The following SHROOM3 variants were observed in gnomAD, a reference collection of about 807,000 sequenced individuals.
SHROOM3 encodes the protein protein Shroom3.
A neutral mutation model predicts 138.6 loss-of-function variants in SHROOM3; 47 were observed. The ratio of observed to expected loss-of-function variants is 0.34; its 90% CI spans 0.27 to 0.43. The LOEUF is 0.43. SHROOM3 is among the 20% of genes least tolerant of loss of function. The pLI, the probability that SHROOM3 is intolerant of heterozygous loss-of-function variation, is 1.00. For missense variants in SHROOM3, 2,491 were observed against 2,596.5 expected, an observed-to-expected ratio of 0.96 and a Z score of 0.88; for synonymous variants, 1,062 against 1,063.3, an observed-to-expected ratio of 1.00 and a Z score of 0.02.
At position 76,752,874 on chromosome 4, in the gene SHROOM3, TAAATA is replaced by T. The variant is rs1001721903; in HGVS notation, c.3828-1429_3828-1425del. ...CCTTTAGAAAAGCCTCAAGATATAA[TAAATA>T]AAATAAAGGCATCTGAATTAGTCGT... On this transcript the variant is annotated intron_variant, in intron 6 of 10. Coordinates refer to ENST00000296043, the MANE Select transcript of SHROOM3 (RefSeq NM_020859.4). 2.6e-5 allele frequency among the ~76,000 whole-genome samples: 4 copies of T among 152,158 alleles called. No homozygotes were observed. The South Asian group carries it at 6.2e-4, about 24-fold the overall frequency.
intron 2 of SHROOM3, among the ~76,000 whole-genome samples, chr4:76,672,828 C>T (rs1453956294): frequency 6.6e-6 from 1 of 152,146 alleles, no homozygotes; most frequent in African/African-American, 2.4e-5. Flanking sequence ...GCCTCGGCCT[C>T]CCAAAGTGCT....
At chr4:76,635,287 A>G (rs746609219) in intron 2 of SHROOM3, among the ~76,000 whole-genome samples, 8 of 152,184 alleles carry the variant, frequency 5.3e-5, no homozygotes, top group Non-Finnish European at 8.8e-5. Flanking sequence ...AGGGTCACTC[A>G]CTGATCAACC....
intron 1 of SHROOM3, among the ~76,000 whole-genome samples, chr4:76,477,896 CA>C (rs1365993896): frequency 1.3e-5 from 2 of 152,128 alleles, no homozygotes; most frequent in Non-Finnish European, 1.5e-5. Context: ...CTCCCCTAGC[CA>C]AGGGAAGTCA....
intron 2 of SHROOM3, among the ~76,000 whole-genome samples, chr4:76,638,463 CG>C (rs1735566467): frequency 6.6e-6 from 1 of 152,054 alleles, no homozygotes; most frequent in South Asian, 2.1e-4. Context: ...GCAGGAGGAT[CG>C]CTTGCGCCTA....
At chr4:76,632,356 G>C (rs1281625693) in intron 2 of SHROOM3, among the ~76,000 whole-genome samples, 1 of 152,234 alleles carries the variant, frequency 6.6e-6, no homozygotes, top group African/African-American at 2.4e-5. Context: ...CTCATGAGGA[G>C]ATGGACCCAG....
intron 2 of SHROOM3, among the ~76,000 whole-genome samples, chr4:76,593,620 A>T (rs1989729): frequency 0.59 from 89,947 of 152,028 alleles, 27,389 homozygotes; most frequent in East Asian, 0.85. Context: ...TAGTAAGCAA[A>T]GTAAACTCTT....
chr4:76,580,399 G>T (rs941807215), intron 2 of SHROOM3, among the ~76,000 whole-genome samples: 3 of 151,406 alleles, frequency 2.0e-5, no homozygotes, highest in Non-Finnish European at 2.9e-5. Context: ...AGGTTACCTG[G>T]CTTCAAATCC....
Position 76,734,523 on chromosome 4 carries a change from T to G in SHROOM3, c.587+3588T>G, listed in dbSNP as rs557058539. On this transcript the variant is annotated intron_variant, in intron 4 of 10. Transcript: ENST00000296043. Reference sequence around the variant, plus strand: ...AATATTTTAAAAATACTTTTTTTTTTTTTTTTGAGATGGGTCTCACTGTGT... The same window carrying G: ...AATATTTTAAAAATACTTTTTTTTTGTTTTTTGAGATGGGTCTCACTGTGT... Among the ~76,000 whole-genome samples the G allele has an allele frequency of 6.6e-5, 10 of 151,468 alleles. No homozygotes were observed. The South Asian group carries it at 8.4e-4, about 13-fold the overall frequency.
intron 9 of SHROOM3, among the ~76,000 whole-genome samples, chr4:76,761,176 T>A (rs774660887): frequency 6.6e-6 from 1 of 151,474 alleles, no homozygotes; most frequent in Non-Finnish European, 1.5e-5. Context: ...TTAACCTTTG[T>A]CCCCTTTCCT....
Position 76,741,708 on chromosome 4 carries a change from C to T in SHROOM3, c.3535C>T (p.Arg1179Cys). 1 of 1,553,524 alleles carries T rather than the reference C, an allele frequency of 6.4e-7. No individual in the cohort carries two copies. The highest frequency in any genetic ancestry group is 1.2e-5 in the South Asian group (1 of 84,354). Reference sequence around the variant, plus strand: ...CAGCAGCTCCTTCGCCGGTGGCCGCCGCCTCGGGGAACGGCGACGCGGGGA... The same window carrying T: ...CAGCAGCTCCTTCGCCGGTGGCCGCTGCCTCGGGGAACGGCGACGCGGGGA... ...DRSSSFAGGRRLGERRRGDLL... is the reference protein window; with the variant it reads ...DRSSSFAGGRCLGERRRGDLL... The change falls in exon 5 of 11, where the codon CGC (arginine) becomes TGC (cysteine). Residue 1179 changes from arginine (R) to cysteine (C), a missense_variant. Arg to Cys is a radical substitution (Grantham distance 180). Coordinates refer to ENST00000296043, the MANE Select transcript of SHROOM3 (RefSeq NM_020859.4). The surrounding 1 kb of genome is among the most constrained non-coding windows in gnomAD (Gnocchi z 6.2).
At chr4:76,473,927 CAT>C (rs1285450070) in intron 1 of SHROOM3, among the ~76,000 whole-genome samples, 1 of 152,112 alleles carries the variant, frequency 6.6e-6, no homozygotes, top group Admixed American at 6.5e-5. Context: ...AAAAGTTAAA[CAT>C]AGAATTACCA....
In SHROOM3 at chr4:76,741,970, C is replaced by T; in HGVS notation, c.3753+44C>T. On this transcript the variant is annotated intron_variant, in intron 5 of 10. Coordinates refer to ENST00000296043, the MANE Select transcript of SHROOM3 (RefSeq NM_020859.4). This position sits in a 1 kb window ranked among gnomAD's most constrained non-coding sequence, Gnocchi z 6.2. ...TCCTGGCCTCGAACTGTCCCTTCCTCCCTAGAAGCTTTAGTGGGGCTCCCC... is the reference window on the plus strand; with the variant it reads ...TCCTGGCCTCGAACTGTCCCTTCCTTCCTAGAAGCTTTAGTGGGGCTCCCC... The T allele has an allele frequency of 6.3e-7, 1 of 1,599,930 alleles. No individual in the cohort carries two copies.
intron 9 of SHROOM3, among the ~76,000 whole-genome samples, chr4:76,769,194 A>G (rs536177636): frequency 6.6e-6 from 1 of 151,488 alleles, no homozygotes; most frequent in South Asian, 2.1e-4. Flanking sequence ...CCAAGTTTCC[A>G]GTTGAAGCCA....
At chr4:76,661,492 A>C (rs1296173920) in intron 2 of SHROOM3, among the ~76,000 whole-genome samples, 1 of 151,956 alleles carries the variant, frequency 6.6e-6, no homozygotes, top group African/African-American at 2.4e-5. Flanking sequence ...GGCCTCCCAA[A>C]GCGCTGGGTG....
At chr4:76,746,907 C>T (rs928881261) in intron 5 of SHROOM3, among the ~76,000 whole-genome samples, 1 of 151,682 alleles carries the variant, frequency 6.6e-6, no homozygotes, top group Non-Finnish European at 1.5e-5. Context: ...AGCTTTGCCT[C>T]CCGGGTTCAC....
intron 2 of SHROOM3, among the ~76,000 whole-genome samples, chr4:76,614,100 GAGTGC>G (rs1423637750): frequency 4.6e-5 from 7 of 152,036 alleles, no homozygotes; most frequent in East Asian, 1.9e-4. Flanking sequence ...GCCCAGGCTG[GAGTGC>G]AGTGCAGTGG....
intron 2 of SHROOM3, among the ~76,000 whole-genome samples, chr4:76,569,197 G>A (rs986506705): frequency 2.0e-5 from 3 of 152,184 alleles, no homozygotes; most frequent in Admixed American, 2.0e-4. Context: ...TGGGGCTTAC[G>A]TTTCTCACCA....
At chr4:76,593,472 C>A (rs149011704) in intron 2 of SHROOM3, among the ~76,000 whole-genome samples, 1 of 152,108 alleles carries the variant, frequency 6.6e-6, no homozygotes, top group African/African-American at 2.4e-5. Context: ...ATGATAAAAC[C>A]ACCCACGATG....
intron 2 of SHROOM3, among the ~76,000 whole-genome samples, chr4:76,636,377 T>C (rs1352353654): frequency 6.6e-6 from 1 of 152,232 alleles, no homozygotes; most frequent in African/African-American, 2.4e-5. Context: ...AATTATTTAA[T>C]GAACCTTCTG....
Sources: gnomAD v4.1 joint callset for allele counts (sites outside exome capture counted in the v4.1 genomes callset) on GRCh38, gnomAD v4.1.1 for gene constraint, Gnocchi (gnomAD v3.1) non-coding constraint, MANE v1.5 for transcripts, NCBI Gene and HGNC (gene_info 2026-07-23, HGNC 2026-07-21) for gene names.